CDH13: variants seen among roughly 807,000 people sequenced by gnomAD.
CDH13 encodes cadherin 13.
In CDH13, 24 loss-of-function variants were observed where a neutral mutation model predicts 63.8. The observed-to-expected ratio is 0.38, with a 90% confidence interval of 0.27 to 0.53. The LOEUF is 0.53. Ranked by LOEUF, CDH13 falls within the 20% of genes least tolerant of loss-of-function variation. The probability of loss-of-function intolerance (pLI) is 0.85; values close to 1 mark genes in which losing one functional copy is unlikely to be tolerated. For missense variants in CDH13, 1,049 were observed against 903.1 expected, an observed-to-expected ratio of 1.16 and a Z score of -2.07; for synonymous variants, 503 against 355.3, an observed-to-expected ratio of 1.42 and a Z score of -4.67.
chr16:83,295,126 G>A (rs939397035), intron 5 of CDH13, among the ~76,000 whole-genome samples: 1 of 151,956 alleles, frequency 6.6e-6, no homozygotes, highest in African/African-American at 2.4e-5. Context: ...AACACACAAT[G>A]GGGGAAAAAA....
intron 3 of CDH13, among the ~76,000 whole-genome samples, chr16:83,059,942 C>T (rs559075832): frequency 4.6e-4 from 70 of 151,696 alleles, no homozygotes; most frequent in Non-Finnish European, 8.0e-4. Context: ...TACAGGTGCC[C>T]GCCAGCACAC....
In CDH13 at chr16:83,095,771, G is replaced by C. The variant is rs555125494; in HGVS notation, c.367-29614G>C. ...AAGTTTTTAATGAGCAGTATGTTTT[G>C]CCTAAGACTCTATGATTCTCACTGT... On this transcript the variant is annotated intron_variant, in intron 3 of 13. Coordinates refer to ENST00000567109, the MANE Select transcript of CDH13 (RefSeq NM_001257.5). Among the ~76,000 whole-genome samples the C allele has an allele frequency of 1.5e-4, 23 of 152,208 alleles. 1 individual carries two copies. In the South Asian group the frequency reaches 4.8e-3, roughly 32 times the overall value.
intron 6 of CDH13, chr16:83,383,131 A>G (rs528617026): frequency 6.6e-6 from 1 of 152,288 alleles, no homozygotes; most frequent in East Asian, 1.9e-4. Flanking sequence ...ATGCAGCCCT[A>G]CATTCTGCAG....
chr16:83,065,659 C>T (rs367899312), intron 3 of CDH13, among the ~76,000 whole-genome samples: 13 of 149,682 alleles, frequency 8.7e-5, no homozygotes, highest in African/African-American at 2.5e-4. Context: ...GAGCCAAGAT[C>T]GTGCCACTGC....
chr16:83,530,612 A>T (rs2075062624), intron 7 of CDH13, among the ~76,000 whole-genome samples: 2 of 152,162 alleles, frequency 1.3e-5, no homozygotes, highest in African/African-American at 4.8e-5. Context: ...CCACGCACCA[A>T]CCATCACAGC....
intron 5 of CDH13, among the ~76,000 whole-genome samples, chr16:83,335,567 G>A (rs985013485): frequency 2.0e-5 from 3 of 152,052 alleles, no homozygotes; most frequent in African/African-American, 7.2e-5. Context: ...CCCAATTTCT[G>A]CCTCCAAAGA....
chr16:83,556,882 C>G (rs936383175), intron 7 of CDH13, among the ~76,000 whole-genome samples: 1 of 152,202 alleles, frequency 6.6e-6, no homozygotes, highest in African/African-American at 2.4e-5. Flanking sequence ...TGGGCTGTGT[C>G]CCTCCATCCC....
At chr16:83,579,141 C>T (rs1226614790) in intron 7 of CDH13, among the ~76,000 whole-genome samples, 1 of 152,152 alleles carries the variant, frequency 6.6e-6, no homozygotes, top group African/African-American at 2.4e-5. Context: ...TGGAGCAGGG[C>T]TGTACCTACT....
At chr16:83,158,748 C>G (rs1240676544) in intron 4 of CDH13, among the ~76,000 whole-genome samples, 1 of 152,226 alleles carries the variant, frequency 6.6e-6, no homozygotes, top group Non-Finnish European at 1.5e-5. Context: ...CGCACCCTTG[C>G]TCGAGTCACT....
intron 4 of CDH13, among the ~76,000 whole-genome samples, chr16:83,141,316 T>C (rs976368751): frequency 1.3e-5 from 2 of 152,164 alleles, no homozygotes; most frequent in Non-Finnish European, 2.9e-5. Context: ...ATTCTGAGCC[T>C]TCATTGTCCT....
At chr16:82,860,977 C>T (rs1050948533) in intron 2 of CDH13, among the ~76,000 whole-genome samples, 1 of 152,170 alleles carries the variant, frequency 6.6e-6, no homozygotes, top group African/African-American at 2.4e-5. Flanking sequence ...AAAACAAAAA[C>T]CTTCTGTCTC....
At position 82,680,843 on chromosome 16, in the gene CDH13, G is replaced by A. The variant is rs71402031; in HGVS notation, c.45+53706G>A. Among the ~76,000 whole-genome samples, 443 of 152,300 alleles carry A rather than the reference G, an allele frequency of 2.9e-3. 5 individuals are homozygous for A. Among genetic ancestry groups the A allele is most frequent in the Non-Finnish European group, 4.7e-3 (322 of 68,036 alleles). On this transcript the variant is annotated intron_variant, in intron 1 of 13. Transcript: ENST00000567109. ...CCAGGAGATAGAAGGCTGGTGGAGA[G>A]GACCGCCTAACCTGGGTGGTGGCCA...
At chr16:82,832,598 C>T (rs1211886131) in intron 1 of CDH13, among the ~76,000 whole-genome samples, 1 of 61,018 alleles carries the variant, frequency 1.6e-5, no homozygotes, top group East Asian at 3.3e-3. Flanking sequence ...GCAAGATTCC[C>T]AGCAAAAAAA....
chr16:83,027,377 A>G (rs1322938392), intron 2 of CDH13, among the ~76,000 whole-genome samples: 1 of 152,218 alleles, frequency 6.6e-6, no homozygotes, highest in Non-Finnish European at 1.5e-5. Flanking sequence ...AGAATGCTTG[A>G]AGAAGTTGCT....
chr16:83,482,069 A>C (rs1449038275), intron 6 of CDH13, among the ~76,000 whole-genome samples: 1 of 152,184 alleles, frequency 6.6e-6, no homozygotes, highest in Non-Finnish European at 1.5e-5. Context: ...AAGGACCTCC[A>C]AGGCGCATTG....
intron 1 of CDH13, among the ~76,000 whole-genome samples, chr16:82,649,006 G>A (rs1027781651): frequency 4.6e-5 from 7 of 152,206 alleles, no homozygotes; most frequent in Admixed American, 4.6e-4. Context: ...GGAAGAAAGA[G>A]AAAAGTGCCA....
In CDH13 at chr16:82,644,102, T is replaced by C. The variant is rs192710657; in HGVS notation, c.45+16965T>C. Among the ~76,000 whole-genome samples the C allele has an allele frequency of 6.6e-6, 1 of 152,206 alleles. No homozygotes were observed. Among genetic ancestry groups the C allele is most frequent in the Admixed American group, 6.5e-5 (1 of 15,288 alleles). Reference sequence around the variant, plus strand: ...GGGGAGAAAGAGGAGAGAAATCTAATTGATATGCTAATTGTCATTGTACTC... The same window carrying C: ...GGGGAGAAAGAGGAGAGAAATCTAACTGATATGCTAATTGTCATTGTACTC... On this transcript the variant is annotated intron_variant, in intron 1 of 13. Transcript: ENST00000567109. This position sits in a 1 kb window ranked among gnomAD's most constrained non-coding sequence, Gnocchi z 5.7.
At chr16:83,113,880 G>A (rs2035179830) in intron 3 of CDH13, among the ~76,000 whole-genome samples, 1 of 152,176 alleles carries the variant, frequency 6.6e-6, no homozygotes. Flanking sequence ...ATCCAAGCCT[G>A]CTGGATCTTC....
chr16:83,288,518 G>A (rs2089382961), intron 5 of CDH13, among the ~76,000 whole-genome samples: 1 of 152,186 alleles, frequency 6.6e-6, no homozygotes, highest in Non-Finnish European at 1.5e-5. Flanking sequence ...CAGGGTGGCA[G>A]CTCCCTGTGC....
Sources: gnomAD v4.1 joint callset for allele counts (sites outside exome capture counted in the v4.1 genomes callset) on GRCh38, gnomAD v4.1.1 for gene constraint, Gnocchi (gnomAD v3.1) non-coding constraint, MANE v1.5 for transcripts, NCBI Gene and HGNC (gene_info 2026-07-23, HGNC 2026-07-21) for gene names.